EPB41L1: variants seen among roughly 807,000 people sequenced by gnomAD.
EPB41L1 encodes the protein band 4.1-like protein 1.
In EPB41L1, 29 loss-of-function variants were observed where a neutral mutation model predicts 97.8. That is an observed-to-expected ratio of 0.30 (90% CI 0.22 to 0.40). EPB41L1 has a LOEUF of 0.40. Ranked by LOEUF, EPB41L1 falls within the 10% of genes least tolerant of loss-of-function variation. The pLI is 1.00. For synonymous variants in EPB41L1, 383 were observed against 459.2 expected (o/e 0.83, Z 2.12); for missense variants, 812 against 1,162.3 (o/e 0.70, Z 4.38).
At chr20:36,223,222 C>T (rs534869144) in intron 21 of EPB41L1, among the ~76,000 whole-genome samples, 12 of 152,248 alleles carry the variant, frequency 7.9e-5, no homozygotes, top group South Asian at 4.1e-4. Context: ...TCAGTAGAGA[C>T]GGGGTTTTAC....
At chr20:36,201,311 C>T (rs1569297772) in intron 14 of EPB41L1, among the ~76,000 whole-genome samples, 1 of 152,162 alleles carries the variant, frequency 6.6e-6, no homozygotes, top group Non-Finnish European at 1.5e-5. Context: ...AGGCAGGTGA[C>T]TCTAGAGGCA....
In EPB41L1 at chr20:36,209,385, C is replaced by T. The variant is rs1168536750; in HGVS notation, c.1669-103C>T. ...TGGCCTGCTCTTCCATTCAGGATGT[C>T]GACACAGCCCCGAGATTTCTCCTGA... On this transcript the variant is annotated intron_variant, in intron 14 of 21. Coordinates refer to ENST00000338074, the MANE Select transcript of EPB41L1 (RefSeq NM_012156.2). The surrounding 1 kb of genome is among the most constrained non-coding windows in gnomAD (Gnocchi z 4.2). 6.3e-6 allele frequency: 8 copies of T among 1,262,918 alleles called. No homozygotes were observed. Among genetic ancestry groups the T allele is most frequent in the African/African-American group, 1.5e-5 (1 of 65,598 alleles). 78.2% of individuals were successfully genotyped at this position (1,262,918 alleles called of 1,614,324 possible).
At chr20:36,119,846 C>T (rs2058697157) in intron 2 of EPB41L1, among the ~76,000 whole-genome samples, 1 of 152,062 alleles carries the variant, frequency 6.6e-6, no homozygotes, top group South Asian at 2.1e-4. Flanking sequence ...TTGCCCACTG[C>T]CCTCCATCCA....
intron 2 of EPB41L1, among the ~76,000 whole-genome samples, chr20:36,137,627 C>T (rs1300709744): frequency 6.6e-6 from 1 of 151,990 alleles, no homozygotes; most frequent in African/African-American, 2.4e-5. Context: ...TGGGTTCAAG[C>T]GATTCTTCTG....
At position 36,191,670 on chromosome 20, in the gene EPB41L1, G is replaced by T. The variant is rs73101492; in HGVS notation, c.1300+873G>T. Among the ~76,000 whole-genome samples, 163 of 152,260 alleles carry T rather than the reference G, an allele frequency of 1.1e-3. 1 individual carries two copies. Among genetic ancestry groups the T allele is most frequent in the Non-Finnish European group, 2.1e-3 (143 of 68,014 alleles). On this transcript the variant is annotated intron_variant, in intron 11 of 21. Transcript: ENST00000338074. ...TTATGCAGATCTGAGTTCAAATCTCGGCTTGACAGTCACCGTGGGCTGTTC... is the reference window on the plus strand; with the variant it reads ...TTATGCAGATCTGAGTTCAAATCTCTGCTTGACAGTCACCGTGGGCTGTTC...
chr20:36,190,285 A>G lies in EPB41L1; in HGVS notation c.1035A>G (p.Gln345=), dbSNP rs1319519147. The part of the protein sequence containing the change: ...YIKIRPGEYE[Q]FESTIGFKLP... ...CCCTTTTGGTTTTCCAGTATGAGCA[A>G]TTTGAGAGCACAATTGGCTTTAAGC... Residue 345 remains glutamine (Q), a synonymous_variant, in exon 10 of 22, where the codon CAA becomes CAG. Coordinates refer to ENST00000338074, the MANE Select transcript of EPB41L1 (RefSeq NM_012156.2). This position sits in a 1 kb window ranked among gnomAD's most constrained non-coding sequence, Gnocchi z 5.8. The G allele has an allele frequency of 6.2e-7, 1 of 1,614,156 alleles. No individual in the cohort carries two copies. Among genetic ancestry groups the G allele is most frequent in the South Asian group, 1.1e-5 (1 of 91,052 alleles).
At chr20:36,153,547 G>A (rs1327835803), upstream of EPB41L1, among the ~76,000 whole-genome samples, 2 of 152,188 alleles carry the variant, frequency 1.3e-5, no homozygotes, top group Non-Finnish European at 2.9e-5. Context: ...GTGACTGGGG[G>A]TTCGCGGTCA....
Position 36,189,089 on chromosome 20 carries a change from A to G in EPB41L1, c.1026+590A>G, listed in dbSNP as rs567556628. 5.3e-5 allele frequency among the ~76,000 whole-genome samples: 8 copies of G among 152,210 alleles called. No individual in the cohort carries two copies. The East Asian group carries it at 1.2e-3, about 22-fold the overall frequency. ...ATATGTCTACACCTCTTTTCCTTCAATTACCTACATCTCACCCATCAAAAA... is the reference window on the plus strand; with the variant it reads ...ATATGTCTACACCTCTTTTCCTTCAGTTACCTACATCTCACCCATCAAAAA... On this transcript the variant is annotated intron_variant, in intron 9 of 21. Transcript: ENST00000338074.
At chr20:36,133,691 C>CA (rs1418091297) in intron 2 of EPB41L1, among the ~76,000 whole-genome samples, 6 of 151,952 alleles carry the variant, frequency 3.9e-5, no homozygotes, top group African/African-American at 1.5e-4. Context: ...CCTGTCTCTA[C>CA]AAAAAATACA....
chr20:36,150,070 G>GTTT (rs112537871), upstream of EPB41L1, among the ~76,000 whole-genome samples: 1,371 of 141,550 alleles, frequency 9.7e-3, 28 homozygotes, highest in African/African-American at 0.034. Flanking sequence ...AGGTTTTTTT[G>GTTT]TTTTTTTTTT....
intron 8 of EPB41L1, 135 bp from the exon 9 acceptor site, chr20:36,188,212 C>T (rs527272108): frequency 1.6e-4 from 191 of 1,199,444 alleles, no homozygotes; most frequent in Middle Eastern, 2.7e-4. Context: ...CAGTGGGACT[C>T]CAGCATGGAG....
intron 1 of EPB41L1, among the ~76,000 whole-genome samples, chr20:36,156,671 G>T (rs1185352385): frequency 6.6e-6 from 1 of 152,198 alleles, no homozygotes; most frequent in South Asian, 2.1e-4. Flanking sequence ...CTTAGGAGGG[G>T]TGTTATGTTG....
Position 36,185,104 on chromosome 20 carries a change from C to T in EPB41L1, c.567-13C>T, listed in dbSNP as rs772144203. 1 of 1,611,856 alleles carries T rather than the reference C, an allele frequency of 6.2e-7. No homozygotes were observed. Among genetic ancestry groups the T allele is most frequent in the South Asian group, 1.1e-5 (1 of 90,986 alleles). ...AGGGCCCTGTGCCCATGCTGGCTCT[C>T]CCCTATCTCCAGATACTACCTGTGC... is the stretch of plus-strand genomic sequence containing the variant. On this transcript the variant is annotated splice_polypyrimidine_tract_variant and intron_variant, in intron 6 of 21. Coordinates refer to ENST00000338074, the MANE Select transcript of EPB41L1 (RefSeq NM_012156.2).
intron 13 of EPB41L1, among the ~76,000 whole-genome samples, chr20:36,196,380 G>A (rs1431632943): frequency 6.6e-6 from 1 of 152,206 alleles, no homozygotes; most frequent in Non-Finnish European, 1.5e-5. Flanking sequence ...GAGGCAGTGG[G>A]GCAGGTTTGT....
chr20:36,211,469 C>G (rs2039901790), intron 15 of EPB41L1, among the ~76,000 whole-genome samples: 1 of 152,192 alleles, frequency 6.6e-6, no homozygotes, highest in Non-Finnish European at 1.5e-5. Flanking sequence ...ATGCTCTCTA[C>G]TTCACCCCAG....
At chr20:36,124,268 A>T (rs1010117586) in intron 2 of EPB41L1, among the ~76,000 whole-genome samples, 6 of 152,114 alleles carry the variant, frequency 3.9e-5, no homozygotes, top group African/African-American at 1.4e-4. Context: ...AAAACAAAAC[A>T]AAACAAAACA....
At chr20:36,157,750 C>T (rs918852057) in intron 1 of EPB41L1, among the ~76,000 whole-genome samples, 1 of 152,156 alleles carries the variant, frequency 6.6e-6, no homozygotes, top group Non-Finnish European at 1.5e-5. Flanking sequence ...GGCCAGGGTC[C>T]CCCAGAAGTG....
chr20:36,213,511 G>A (rs1039509422), intron 16 of EPB41L1, among the ~76,000 whole-genome samples: 6 of 152,108 alleles, frequency 3.9e-5, no homozygotes, highest in Non-Finnish European at 5.9e-5. Context: ...TTATGAGGCC[G>A]TCTACTACAG....
At chr20:36,111,814 A>C (rs1054421281) in intron 1 of EPB41L1, among the ~76,000 whole-genome samples, 4 of 151,662 alleles carry the variant, frequency 2.6e-5, no homozygotes. Context: ...AGAGAAAAGA[A>C]AAGACTCCGA....
Sources: allele counts gnomAD v4.1 joint callset (sites outside exome capture counted in the v4.1 genomes callset), GRCh38; gene constraint gnomAD v4.1.1; non-coding constraint Gnocchi (gnomAD v3.1); transcripts MANE v1.5; gene names NCBI Gene and HGNC (gene_info 2026-07-23, HGNC 2026-07-21).